Variants in CDH18 observed in about 807,000 individuals in gnomAD.
CDH18 encodes cadherin-18.
CDH18 carries 31 observed loss-of-function variants against 67.9 expected under a neutral mutation model. The ratio of observed to expected loss-of-function variants is 0.46; its 90% CI spans 0.34 to 0.62. CDH18 has a LOEUF of 0.62. CDH18 is among the 20% of genes least tolerant of loss of function. CDH18 has a pLI of 0.01. For synonymous variants in CDH18, 362 were observed against 347.2 expected, an observed-to-expected ratio of 1.04 and a Z score of -0.48; for missense variants, 890 against 975.5, an observed-to-expected ratio of 0.91 and a Z score of 1.17.
At chr5:19,478,517 C>T (rs954744090) in intron 12 of CDH18, 1 of 152,152 alleles carries the variant, frequency 6.6e-6, no homozygotes, top group African/African-American at 2.4e-5. Flanking sequence ...TATCTCCTCA[C>T]CAATTCCATC....
intron 2 of CDH18, among the ~76,000 whole-genome samples, chr5:20,146,863 T>C (rs1391888224): frequency 6.6e-6 from 1 of 152,038 alleles, no homozygotes; most frequent in Non-Finnish European, 1.5e-5. Context: ...CTTTATACTT[T>C]TGATATAGAC....
At chr5:20,058,946 T>A (rs1742228995) in intron 2 of CDH18, among the ~76,000 whole-genome samples, 1 of 152,166 alleles carries the variant, frequency 6.6e-6, no homozygotes, top group Admixed American at 6.5e-5. Flanking sequence ...CTGGGCTTTT[T>A]TTGGTTGGTA....
At position 19,935,756 on chromosome 5, in the gene CDH18, G is replaced by A. The variant is rs191977643; in HGVS notation, c.-257+45304C>T. ...AATAAAGAATCTTAATGTATTGGTT[G>A]TTCATAAGCACTGAGCTAGCTTTTA... is the stretch of plus-strand genomic sequence containing the variant. On this transcript the variant is annotated intron_variant, in intron 2 of 12. Transcript: ENST00000382275. 2.8e-3 allele frequency among the ~76,000 whole-genome samples: 390 copies of A among 137,398 alleles called. 2 individuals are homozygous for A. The highest frequency in any genetic ancestry group is 9.9e-3 in the African/African-American group (368 of 37,186). 90.1% of individuals were successfully genotyped at this position (137,398 alleles called of 152,430 possible). A position where few individuals can be genotyped will look rare whatever the true frequency, so the allele number is the denominator to read the frequency against.
At chr5:19,494,054 T>A (rs924636046) in intron 11 of CDH18, among the ~76,000 whole-genome samples, 7 of 152,188 alleles carry the variant, frequency 4.6e-5, no homozygotes, top group Non-Finnish European at 1.0e-4. Flanking sequence ...TCACTTCTAA[T>A]TTTACAAATG....
intron 2 of CDH18, among the ~76,000 whole-genome samples, chr5:20,196,738 T>C (rs1001542775): frequency 4.6e-5 from 7 of 152,226 alleles, no homozygotes; most frequent in Non-Finnish European, 1.0e-4. Context: ...AGGATGTAGA[T>C]GTAGATAGCT....
At chr5:20,258,609 T>C (rs1224055884) in intron 1 of CDH18, among the ~76,000 whole-genome samples, 2 of 152,208 alleles carry the variant, frequency 1.3e-5, no homozygotes, top group Non-Finnish European at 2.9e-5. Context: ...CTATCACATA[T>C]GTGGTTATAA....
intron 1 of CDH18, among the ~76,000 whole-genome samples, chr5:20,405,892 C>T (rs1224267126): frequency 6.6e-6 from 1 of 152,182 alleles, no homozygotes; most frequent in East Asian, 1.9e-4. Context: ...GATACCATCT[C>T]ACACCAGTTA....
intron 5 of CDH18, among the ~76,000 whole-genome samples, chr5:19,693,895 G>GAAA (rs11357542): frequency 5.0e-5 from 6 of 118,956 alleles, no homozygotes; most frequent in African/African-American, 1.6e-4. Context: ...GACTCTGTCT[G>GAAA]AAAAAAAAAA....
rs188702843 is a variant in CDH18 at position 19,581,469 on chromosome 5, G to A, written c.999+9588C>T. On this transcript the variant is annotated intron_variant, in intron 7 of 12. Coordinates refer to ENST00000382275, the MANE Select transcript of CDH18 (RefSeq NM_004934.5). ...AAATCACCCTATTATATTCTTCTCT[G>A]GAACTATATAACCATTATAAATACA... 5.3e-5 allele frequency among the ~76,000 whole-genome samples: 8 copies of A among 151,832 alleles called. No individual in the cohort carries two copies. In the East Asian group the frequency reaches 1.4e-3, roughly 26 times the overall value.
At chr5:20,081,218 A>G (rs1202955655) in intron 2 of CDH18, among the ~76,000 whole-genome samples, 1 of 152,136 alleles carries the variant, frequency 6.6e-6, no homozygotes, top group Non-Finnish European at 1.5e-5. Flanking sequence ...TGTTTTCCAA[A>G]ACATTTAATA....
intron 3 of CDH18, among the ~76,000 whole-genome samples, chr5:19,831,750 A>G (rs1393204055): frequency 6.6e-6 from 1 of 152,062 alleles, no homozygotes; most frequent in Non-Finnish European, 1.5e-5. Context: ...CCACTAATGG[A>G]TATATACCCC....
Position 19,998,974 on chromosome 5 carries a change from G to A in CDH18, c.-517-6960C>T, listed in dbSNP as rs185279822. Among the ~76,000 whole-genome samples, 454 of 152,044 alleles carry A rather than the reference G, an allele frequency of 3.0e-3. 3 individuals carry two copies. Among genetic ancestry groups the A allele is most frequent in the African/African-American group, 0.01 (424 of 41,482 alleles). The stretch of plus-strand genomic sequence containing the variant: ...TTTTCAATAAAGGAAGAAGAGAATC[G>A]TAAAATTGAAACAAAGCATCATGGA... On this transcript the variant is annotated intron_variant, in intron 2 of 14. Transcript: ENST00000507958.
intron 2 of CDH18, among the ~76,000 whole-genome samples, chr5:20,195,672 GA>G (rs1200528798): frequency 1.3e-5 from 2 of 151,852 alleles, no homozygotes; most frequent in African/African-American, 4.8e-5. Context: ...AAAAATTTAA[GA>G]AAGACAAAAT....
chr5:20,146,238 T>A (rs543459980), intron 2 of CDH18, among the ~76,000 whole-genome samples: 241 of 152,200 alleles, frequency 1.6e-3, no homozygotes, highest in Non-Finnish European at 2.6e-3. Context: ...TTGCTCTCCA[T>A]CTACTTTCCT....
At chr5:19,759,879 G>T (rs1772112855) in intron 3 of CDH18, among the ~76,000 whole-genome samples, 1 of 151,966 alleles carries the variant, frequency 6.6e-6, no homozygotes, top group African/African-American at 2.4e-5. Flanking sequence ...CTGTAAACTG[G>T]CTCAAGTCTG....
chr5:19,729,945 G>A (rs962255111), intron 4 of CDH18, among the ~76,000 whole-genome samples: 9 of 151,976 alleles, frequency 5.9e-5, no homozygotes, highest in Admixed American at 5.2e-4. Context: ...GATGGAAACT[G>A]AAAAACAAGA....
intron 1 of CDH18, among the ~76,000 whole-genome samples, chr5:20,357,869 G>A (rs1238989538): frequency 6.6e-5 from 10 of 151,950 alleles, no homozygotes; most frequent in Non-Finnish European, 1.0e-4. Context: ...AGCACTATTT[G>A]CAATAGCAAA....
chr5:19,916,162 C>T (rs1791759962), intron 2 of CDH18, among the ~76,000 whole-genome samples: 1 of 152,074 alleles, frequency 6.6e-6, no homozygotes, highest in Non-Finnish European at 1.5e-5. Flanking sequence ...AGATTCTATC[C>T]TTCCTCAGCT....
In CDH18 at chr5:19,746,889, T is replaced by G. The variant is rs1488025961; in HGVS notation, c.523+53A>C. The G allele has an allele frequency of 1.5e-5, 23 of 1,485,076 alleles. No individual in the cohort carries two copies. The South Asian group carries it at 2.7e-4, about 17-fold the overall frequency. The allele number at this position is 1,485,076 out of a possible 1,614,324, so 92.0% of individuals were successfully genotyped here. On this transcript the variant is annotated intron_variant, in intron 4 of 12. Coordinates refer to ENST00000382275, the MANE Select transcript of CDH18 (RefSeq NM_004934.5). ...AAAAATTGGTATTCTAAAGATGACT[T>G]TTTGATTTTCTTAATATGTTAATTG...
Sources: allele counts gnomAD v4.1 joint callset (sites outside exome capture counted in the v4.1 genomes callset), GRCh38; gene constraint gnomAD v4.1.1; transcripts MANE v1.5; gene names NCBI Gene and HGNC (gene_info 2026-07-23, HGNC 2026-07-21).